SCAPER: variants seen among roughly 807,000 people sequenced by gnomAD.
The protein encoded by SCAPER is S phase cyclin A-associated protein in the endoplasmic reticulum.
A neutral mutation model predicts 182.2 loss-of-function variants in SCAPER; 98 were observed. The ratio of observed to expected loss-of-function variants is 0.54; its 90% CI spans 0.46 to 0.64. The LOEUF (loss-of-function observed/expected upper bound fraction) is 0.64. Ranked by LOEUF, SCAPER falls within the 30% of genes least tolerant of loss-of-function variation. SCAPER has a pLI of 0.00. For synonymous variants in SCAPER, 605 were observed against 564.6 expected (o/e 1.07, Z -1.01); for missense variants, 1,432 against 1,690.0 (o/e 0.85, Z 2.68).
Position 76,596,701 on chromosome 15 carries a change from G to A in SCAPER, c.2712-22417C>T, listed in dbSNP as rs996951406. On this transcript the variant is annotated intron_variant, in intron 22 of 31. Coordinates refer to ENST00000563290, the MANE Select transcript of SCAPER (RefSeq NM_020843.4). Reference sequence around the variant, plus strand: ...TATCCATCACATAAACAGAACCAACGAGAAAAACCACAAGATTATCTCAAT... The same window carrying A: ...TATCCATCACATAAACAGAACCAACAAGAAAAACCACAAGATTATCTCAAT... Among the ~76,000 whole-genome samples, 28 of 120,578 alleles carry A rather than the reference G, an allele frequency of 2.3e-4. 10 individuals carry two copies. The highest frequency in any genetic ancestry group is 4.6e-4 in the Non-Finnish European group (23 of 49,578). 79.1% of individuals were successfully genotyped at this position (120,578 alleles called of 152,430 possible). A position where few individuals can be genotyped will look rare whatever the true frequency, so the allele number is the denominator to read the frequency against.
chr15:76,824,372 T>C (rs1322714648), intron 5 of SCAPER, among the ~76,000 whole-genome samples: 1 of 152,208 alleles, frequency 6.6e-6, no homozygotes, highest in Non-Finnish European at 1.5e-5. Context: ...TTTGTCCTCC[T>C]GACACACAAT....
chr15:76,538,504 G>A (rs2044409606), intron 23 of SCAPER, among the ~76,000 whole-genome samples: 1 of 152,060 alleles, frequency 6.6e-6, no homozygotes, highest in East Asian at 1.9e-4. Context: ...TTCATAGATG[G>A]GAATTGAACA....
chr15:76,713,756 G>A (rs11635539), intron 17 of SCAPER, among the ~76,000 whole-genome samples: 21,037 of 151,678 alleles, frequency 0.14, 2,086 homozygotes, highest in East Asian at 0.46. Context: ...TTGTGCACAT[G>A]TACCCTAAAA....
intron 27 of SCAPER, among the ~76,000 whole-genome samples, chr15:76,391,239 C>T (rs1304657605): frequency 1.3e-5 from 2 of 152,166 alleles, no homozygotes; most frequent in Admixed American, 1.3e-4. Flanking sequence ...TTGTCATCTC[C>T]CCAGAGAGGC....
At chr15:76,404,471 T>C (rs1277728429) in intron 27 of SCAPER, 53 bp downstream of exon 27, 18 of 1,533,560 alleles carry the variant, frequency 1.2e-5, no homozygotes, top group Admixed American at 3.6e-5. Flanking sequence ...TGGGCAAAAT[T>C]CAAGAGATGT....
intron 1 of SCAPER, among the ~76,000 whole-genome samples, chr15:76,886,038 G>A (rs2073820830): frequency 6.6e-6 from 1 of 152,034 alleles, no homozygotes; most frequent in Non-Finnish European, 1.5e-5. Flanking sequence ...TGGATCAAAT[G>A]GTAATTCTAC....
intron 8 of SCAPER, among the ~76,000 whole-genome samples, chr15:76,794,871 A>G (rs1180813711): frequency 6.6e-6 from 1 of 152,232 alleles, no homozygotes; most frequent in African/African-American, 2.4e-5. Context: ...GTGTGAGCAA[A>G]GATAAACACA....
chr15:76,555,160 A>G (rs116274403), intron 23 of SCAPER, among the ~76,000 whole-genome samples: 4,693 of 152,264 alleles, frequency 0.031, 226 homozygotes, highest in African/African-American at 0.1. Flanking sequence ...CCAAAGAGAA[A>G]TAACATCCTT....
chr15:76,502,550 C>T (rs1357464725), intron 24 of SCAPER, among the ~76,000 whole-genome samples: 2 of 144,324 alleles, frequency 1.4e-5, no homozygotes, highest in Admixed American at 7.0e-5. Context: ...GGGTGGGGAA[C>T]ATCACACACC....
chr15:76,680,896 A>ATATAGCT (rs2057665090), intron 20 of SCAPER, among the ~76,000 whole-genome samples: 1 of 152,240 alleles, frequency 6.6e-6, no homozygotes, highest in South Asian at 2.1e-4. Context: ...AAGCAACACA[A>ATATAGCT]AAACATACTA....
intron 8 of SCAPER, among the ~76,000 whole-genome samples, chr15:76,785,875 G>A (rs1037846582): frequency 3.3e-5 from 5 of 152,106 alleles, no homozygotes; most frequent in African/African-American, 4.8e-5. Flanking sequence ...GGGGCCTGTC[G>A]TGGGGTGAGG....
intron 8 of SCAPER, among the ~76,000 whole-genome samples, chr15:76,779,563 G>T (rs1200511227): frequency 6.6e-6 from 1 of 152,022 alleles, no homozygotes; most frequent in Non-Finnish European, 1.5e-5. Flanking sequence ...TTAAAAGAAA[G>T]AAGTTTCTCT....
Position 76,447,980 on chromosome 15 carries a change from G to A in SCAPER, c.3079-13670C>T, listed in dbSNP as rs115880513. ...GAAAAACTTAGCCTGCTGGGATGGT[G>A]GTGATGTTGGGTAGTGAAGAGGACA... On this transcript the variant is annotated intron_variant, in intron 25 of 31. Coordinates refer to ENST00000563290, the MANE Select transcript of SCAPER (RefSeq NM_020843.4). Among the ~76,000 whole-genome samples the A allele has an allele frequency of 8.3e-4, 126 of 152,290 alleles. 1 individual carries two copies. Among genetic ancestry groups the A allele is most frequent in the African/African-American group, 3.0e-3 (124 of 41,564 alleles).
intron 15 of SCAPER, among the ~76,000 whole-genome samples, chr15:76,746,982 C>T (rs749372370): frequency 5.3e-5 from 8 of 152,204 alleles, no homozygotes; most frequent in South Asian, 2.1e-4. Flanking sequence ...CGCCAACAGG[C>T]TTTTTTGCAG....
chr15:76,666,876 T>C (rs994790200), intron 20 of SCAPER, among the ~76,000 whole-genome samples: 1 of 152,208 alleles, frequency 6.6e-6, no homozygotes, highest in Non-Finnish European at 1.5e-5. Context: ...TGTTATAATA[T>C]ATGAACACCT....
chr15:76,706,470 A>G (rs1029200604), intron 17 of SCAPER, among the ~76,000 whole-genome samples: 4 of 152,186 alleles, frequency 2.6e-5, no homozygotes, highest in African/African-American at 9.6e-5. Context: ...AAAATTCCAT[A>G]GAAGCTCAGA....
intron 8 of SCAPER, among the ~76,000 whole-genome samples, chr15:76,775,729 TATTA>T (rs749376945): frequency 6.6e-6 from 1 of 152,142 alleles, no homozygotes; most frequent in Non-Finnish European, 1.5e-5. Flanking sequence ...AATTATAGGA[TATTA>T]ATTGATAGCA....
At chr15:76,455,579 G>A (rs2048667820) in intron 25 of SCAPER, among the ~76,000 whole-genome samples, 1 of 152,134 alleles carries the variant, frequency 6.6e-6, no homozygotes, top group Non-Finnish European at 1.5e-5. Context: ...TTGTGCTCAA[G>A]CAATTCTATC....
At chr15:76,474,854 A>C (rs779193666) in intron 24 of SCAPER, among the ~76,000 whole-genome samples, 24 of 152,200 alleles carry the variant, frequency 1.6e-4, no homozygotes, top group Non-Finnish European at 3.2e-4. Context: ...GTATGCTGAC[A>C]TAAATGCTGA....
Sources: allele counts gnomAD v4.1 joint callset (sites outside exome capture counted in the v4.1 genomes callset), GRCh38; gene constraint gnomAD v4.1.1; transcripts MANE v1.5; gene names NCBI Gene and HGNC (gene_info 2026-07-23, HGNC 2026-07-21).